The following TRPM3 variants were observed in gnomAD, a reference collection of about 807,000 sequenced individuals.
TRPM3 encodes transient receptor potential cation channel subfamily M member 3, also known as long transient receptor potential channel 3.
Under a neutral mutation model 181.2 loss-of-function variants are expected in TRPM3, and 77 were observed. The observed-to-expected ratio is 0.42, with a 90% CI of 0.35 to 0.51. The LOEUF (loss-of-function observed/expected upper bound fraction) is 0.51. TRPM3 is among the 20% of genes least tolerant of loss of function. The pLI is 0.01. For missense variants in TRPM3, 1,759 were observed against 2,196.7 expected, an observed-to-expected ratio of 0.80 and a Z score of 3.98; for synonymous variants, 745 against 796.4, an observed-to-expected ratio of 0.94 and a Z score of 1.09.
intron 2 of TRPM3, among the ~76,000 whole-genome samples, chr9:70,864,135 C>T (rs1161977768): frequency 1.3e-5 from 2 of 151,868 alleles, no homozygotes; most frequent in African/African-American, 2.4e-5. Flanking sequence ...GGAGGAGGTA[C>T]TTAAAAGGAA....
intron 1 of TRPM3, among the ~76,000 whole-genome samples, chr9:71,291,730 G>A (rs1330355566): frequency 1.3e-5 from 2 of 152,098 alleles, no homozygotes; most frequent in East Asian, 3.9e-4. Flanking sequence ...CCCTCATAGT[G>A]GAAGTTCTGA....
chr9:70,536,994 G>A lies in TRPM3; in HGVS notation c.4119C>T (p.Ser1373=), dbSNP rs2131585281. The A allele has an allele frequency of 1.2e-6, 2 of 1,610,618 alleles. No individual in the cohort carries two copies. The highest frequency in any genetic ancestry group is 8.5e-7 in the Non-Finnish European group (1 of 1,177,126). The change falls in exon 26 of 26, where the codon TCC becomes TCT. Residue 1373 remains serine, a synonymous_variant. Transcript: ENST00000677713. The stretch of plus-strand genomic sequence containing the variant: ...AACTAGTAGCCCGGTGTAGGCTCAG[G>A]GACCTTTCTTTAAAAATACTTTCCA... ...EKLESIFKER[S]LSLHRATSSH... is the part of the protein sequence containing the mutation.
intron 1 of TRPM3, among the ~76,000 whole-genome samples, chr9:70,937,955 T>C (rs1395479927): frequency 1.3e-5 from 2 of 152,206 alleles, no homozygotes; most frequent in African/African-American, 4.8e-5. Flanking sequence ...GGATTTGTTC[T>C]CTCTTTTGCC....
chr9:70,870,026 T>C (rs1242894956), intron 1 of TRPM3, among the ~76,000 whole-genome samples: 1 of 152,024 alleles, frequency 6.6e-6, no homozygotes, highest in Non-Finnish European at 1.5e-5. Flanking sequence ...TCCAAAGGAC[T>C]TTTCTCTTCC....
intron 1 of TRPM3, among the ~76,000 whole-genome samples, chr9:71,370,188 T>C (rs1389947170): frequency 6.6e-6 from 1 of 152,188 alleles, no homozygotes; most frequent in African/African-American, 2.4e-5. Flanking sequence ...AAAACAATAT[T>C]GAAATTAGAC....
intron 1 of TRPM3, among the ~76,000 whole-genome samples, chr9:70,980,365 G>A (rs551340666): frequency 2.2e-4 from 34 of 151,646 alleles, no homozygotes; most frequent in Admixed American, 2.1e-3. Flanking sequence ...CAGTCAGAAG[G>A]GGGAAAGAGA....
chr9:70,839,739 C>T (rs2094527332), intron 5 of TRPM3, among the ~76,000 whole-genome samples: 1 of 152,134 alleles, frequency 6.6e-6, no homozygotes, highest in Non-Finnish European at 1.5e-5. Context: ...GGAGTATAAA[C>T]AGACTTGACC....
intron 1 of TRPM3, among the ~76,000 whole-genome samples, chr9:71,146,519 G>A (rs2075415440): frequency 6.6e-6 from 1 of 152,126 alleles, no homozygotes; most frequent in African/African-American, 2.4e-5. Context: ...TCAGTCTTTG[G>A]AGACATAGCA....
intron 1 of TRPM3, among the ~76,000 whole-genome samples, chr9:71,289,826 G>A (rs886684991): frequency 8.7e-5 from 11 of 126,632 alleles, no homozygotes; most frequent in Admixed American, 6.7e-4. Flanking sequence ...TAAGAGTTAA[G>A]ATGGTGCCAA....
At chr9:70,740,301 C>G (rs1193210196) in intron 8 of TRPM3, among the ~76,000 whole-genome samples, 1 of 152,116 alleles carries the variant, frequency 6.6e-6, no homozygotes. Context: ...CTACAAAACA[C>G]CGCTGAAAGA....
chr9:71,084,920 C>T lies in TRPM3; in HGVS notation c.177+36258G>A, dbSNP rs1271950597. ...TAACCAAAACAGCATGGTACTGGTA[C>T]AAAAACAGATATGTAGACCCATGTA... On this transcript the variant is annotated intron_variant, in intron 1 of 25. Transcript: ENST00000677713. Among the ~76,000 whole-genome samples the T allele has an allele frequency of 5.3e-5, 8 of 151,906 alleles. 1 individual carries two copies. The highest frequency in any genetic ancestry group is 3.9e-4 in the East Asian group (2 of 5,178).
intron 1 of TRPM3, among the ~76,000 whole-genome samples, chr9:71,324,192 T>A (rs1177692321): frequency 1.3e-5 from 2 of 152,122 alleles, no homozygotes; most frequent in African/African-American, 4.8e-5. Context: ...TTTATTAATA[T>A]ATGTAATAGA....
chr9:70,765,377 G>A (rs1211871903), intron 7 of TRPM3, among the ~76,000 whole-genome samples: 1 of 152,070 alleles, frequency 6.6e-6, no homozygotes, highest in Non-Finnish European at 1.5e-5. Flanking sequence ...GATCACTTGA[G>A]GTCAGGAGTT....
intron 9 of TRPM3, among the ~76,000 whole-genome samples, chr9:70,677,980 A>G (rs1423050523): frequency 6.6e-6 from 1 of 151,102 alleles, no homozygotes; most frequent in African/African-American, 2.4e-5. Context: ...TATAAGTATG[A>G]TAAGTCCCCA....
At chr9:70,954,568 G>A (rs2097045186) in intron 1 of TRPM3, among the ~76,000 whole-genome samples, 1 of 151,914 alleles carries the variant, frequency 6.6e-6, no homozygotes, top group Admixed American at 6.6e-5. Context: ...AGCTCTTATC[G>A]ATAGTGCAAC....
chr9:71,381,423 C>T (rs1372798939), intron 1 of TRPM3, among the ~76,000 whole-genome samples: 1 of 152,058 alleles, frequency 6.6e-6, no homozygotes, highest in African/African-American at 2.4e-5. Flanking sequence ...CACAATGTGG[C>T]CATTTCAATG....
At chr9:71,078,429 T>C (rs74495336) in intron 1 of TRPM3, among the ~76,000 whole-genome samples, 4,372 of 152,230 alleles carry the variant, frequency 0.029, 72 homozygotes, top group African/African-American at 0.043. Context: ...TTAATAGTAA[T>C]TGCTTCTTGG....
At chr9:70,970,021 C>T (rs954025010) in intron 1 of TRPM3, among the ~76,000 whole-genome samples, 1 of 151,960 alleles carries the variant, frequency 6.6e-6, no homozygotes, top group African/African-American at 2.4e-5. Context: ...AAAGAGGAAT[C>T]ATAAGCAGCA....
intron 1 of TRPM3, among the ~76,000 whole-genome samples, chr9:71,117,127 C>T (rs2072572232): frequency 6.6e-6 from 1 of 152,176 alleles, no homozygotes; most frequent in Non-Finnish European, 1.5e-5. Flanking sequence ...GTTTATTTTA[C>T]CTTCATTACT....
Sources: allele counts gnomAD v4.1 joint callset (sites outside exome capture counted in the v4.1 genomes callset), GRCh38; gene constraint gnomAD v4.1.1; transcripts MANE v1.5; gene names NCBI Gene and HGNC (gene_info 2026-07-23, HGNC 2026-07-21).